Variants in ROS1 observed in about 807,000 individuals in gnomAD.
ROS1 encodes the protein proto-oncogene tyrosine-protein kinase ROS.
A neutral mutation model predicts 273.5 loss-of-function variants in ROS1; 263 were observed. That is an observed-to-expected ratio of 0.96 (90% CI 0.87 to 1.06). The LOEUF is 1.06. Ranked by LOEUF, ROS1 falls within the 50% of genes least tolerant of loss-of-function variation. ROS1 has a pLI of 0.00. For missense variants in ROS1, 2,833 were observed against 2,751.1 expected, an observed-to-expected ratio of 1.03 and a Z score of -0.67; for synonymous variants, 1,008 against 954.1, an observed-to-expected ratio of 1.06 and a Z score of -1.04.
chr6:117,369,636 A>C (rs1338179777), intron 18 of ROS1, among the ~76,000 whole-genome samples: 1 of 152,036 alleles, frequency 6.6e-6, no homozygotes, highest in African/African-American at 2.4e-5. Context: ...ATGGACTATG[A>C]TCCTTCAGGA....
At position 117,425,557 on chromosome 6, in the gene ROS1, G is replaced by A; in HGVS notation, c.100C>T (p.Leu34=). 6.2e-7 allele frequency: 1 copy of A among 1,601,180 alleles called. No individual in the cohort carries two copies. The highest frequency in any genetic ancestry group is 1.1e-5 in the South Asian group (1 of 87,354). The change falls in exon 1 of 44, where the codon CTA becomes TTA. Residue 34 remains leucine (L), a synonymous_variant. Transcript: ENST00000368507. ...VVQCTVLNSC[L]KSCVTNLGQQ... The stretch of plus-strand genomic sequence containing the variant: ...ACCAGATTAGTTACACACGACTTTA[G>A]GCAGCTATTTAAAACTGTACACTGC...
At position 117,394,757 on chromosome 6, in the gene ROS1, T is replaced by A; in HGVS notation, c.884-19A>T. ...TGTTGAACTGAAAAAAACAACACAATTTGCAGACAGGTAGACCAACCACAG... is the reference window on the plus strand; with the variant it reads ...TGTTGAACTGAAAAAAACAACACAAATTGCAGACAGGTAGACCAACCACAG... On this transcript the variant is annotated intron_variant, in intron 9 of 43. Transcript: ENST00000368507. 1 of 1,600,594 alleles carries A rather than the reference T, an allele frequency of 6.2e-7. No individual in the cohort carries two copies. Among genetic ancestry groups the A allele is most frequent in the Non-Finnish European group, 8.5e-7 (1 of 1,173,628 alleles).
At chr6:117,349,529 G>T (rs745516651) in intron 27 of ROS1, among the ~76,000 whole-genome samples, 1 of 151,928 alleles carries the variant, frequency 6.6e-6, no homozygotes. Context: ...AACAACTTCT[G>T]TCTTTTAGTT....
In ROS1 at chr6:117,403,276, G is replaced by T. The variant is rs1201922933; in HGVS notation, c.467C>A (p.Thr156Asn). The T allele has an allele frequency of 6.2e-7, 1 of 1,611,594 alleles. No individual in the cohort carries two copies. The part of the protein sequence containing the change: ...QLLGSWTYTK[T>N]VSRPSYVVKP... ...GACCACATAGGACGGTCTGGACACA[G>T]TCTAGATCAAGGAGTGATCAATCAT... The change falls in exon 7 of 44, where the codon ACT becomes AAT. Residue 156 changes from threonine (T) to asparagine (N), a missense_variant and splice_region_variant. Coordinates refer to ENST00000368507, the MANE Select transcript of ROS1 (RefSeq NM_001378902.1).
Position 117,341,439 on chromosome 6 carries a change from A to G in ROS1, c.4845T>C (p.Leu1615=). 1 of 1,613,902 alleles carries G rather than the reference A, an allele frequency of 6.2e-7. No homozygotes were observed. The highest frequency in any genetic ancestry group is 8.5e-7 in the Non-Finnish European group (1 of 1,179,796). ...TATTTCCACCAGACAGTCTAGTAACAAGGAGAGTGAGCCTTCCATTTGGAA... is the reference window on the plus strand; with the variant it reads ...TATTTCCACCAGACAGTCTAGTAACGAGGAGAGTGAGCCTTCCATTTGGAA... ...SEFPNGRLTL[L]VTRLSGGNIY... Residue 1615 remains leucine, a synonymous_variant, in exon 30 of 44, where the codon CTT becomes CTC. Transcript: ENST00000368507.
intron 32 of ROS1, 51 bp downstream of exon 32, chr6:117,337,120 GA>G (rs1482604561): frequency 1.4e-6 from 2 of 1,420,124 alleles, no homozygotes; most frequent in African/African-American, 2.9e-5. Flanking sequence ...TAAGTGATAA[GA>G]AAAAAACTGA....
In ROS1 at chr6:117,389,341, A is replaced by C; in HGVS notation, c.1786+9T>G. The C allele has an allele frequency of 6.2e-7, 1 of 1,607,870 alleles. No individual in the cohort carries two copies. On this transcript the variant is annotated intron_variant, in intron 13 of 43. Coordinates refer to ENST00000368507, the MANE Select transcript of ROS1 (RefSeq NM_001378902.1). The stretch of plus-strand genomic sequence containing the variant: ...AGGCCAGTAACCACACTGGGGACAG[A>C]GCACTCACTGGCTCCTATGGCAAGG...
chr6:117,324,483 A>G (rs1223149737), intron 34 of ROS1, 68 bp from the exon 35 acceptor site: 4 of 728,716 alleles, frequency 5.5e-6, no homozygotes, highest in Non-Finnish European at 9.4e-6. Context: ...GCTCTACCTA[A>G]GCACACAGAG....
In ROS1 at chr6:117,403,213, A is replaced by G; in HGVS notation, c.530T>C (p.Val177Ala). Reference sequence around the variant, plus strand: ...CAGCTGCGCTGTGAAGATCCAAACCACTCGGAAAATGTACTCAGTGAAGGG... The same window carrying G: ...CAGCTGCGCTGTGAAGATCCAAACCGCTCGGAAAATGTACTCAGTGAAGGG... ...LHPFTEYIFRVVWIFTAQLQL... is the reference protein window; with the variant it reads ...LHPFTEYIFRAVWIFTAQLQL... Residue 177 changes from valine (V) to alanine (A), a missense_variant, in exon 7 of 44, where the codon GTG (valine) becomes GCG (alanine). Val to Ala is a moderately conservative substitution (Grantham distance 64). Transcript: ENST00000368507. The G allele has an allele frequency of 6.2e-7, 1 of 1,611,964 alleles. No individual in the cohort carries two copies. The highest frequency in any genetic ancestry group is 8.5e-7 in the Non-Finnish European group (1 of 1,179,540).
At chr6:117,397,227 A>G in intron 7 of ROS1, 111 bp from the exon 8 acceptor site, 1 of 714,236 alleles carries the variant, frequency 1.4e-6, no homozygotes, top group East Asian at 2.6e-5. Flanking sequence ...ATGGAAACGA[A>G]ATAATTTTAT....
intron 5 of ROS1, among the ~76,000 whole-genome samples, chr6:117,405,671 A>AT (rs3842094): frequency 0.059 from 9,010 of 152,260 alleles, 320 homozygotes; most frequent in Middle Eastern, 0.092. Context: ...ACATATGAAA[A>AT]AAAAAAGGTA....
intron 21 of ROS1, among the ~76,000 whole-genome samples, chr6:117,363,537 T>G (rs1277506116): frequency 2.6e-5 from 4 of 152,168 alleles, no homozygotes; most frequent in African/African-American, 9.7e-5. Context: ...CACAAGGTCT[T>G]CATTCCCTCC....
At chr6:117,381,888 G>T (rs1417356747) in intron 17 of ROS1, among the ~76,000 whole-genome samples, 1 of 152,006 alleles carries the variant, frequency 6.6e-6, no homozygotes, top group South Asian at 2.1e-4. Context: ...TTGGAGGGGG[G>T]ATTTAAAGAG....
chr6:117,358,949 A>G (rs1779554941), intron 24 of ROS1, among the ~76,000 whole-genome samples: 1 of 152,162 alleles, frequency 6.6e-6, no homozygotes, highest in Non-Finnish European at 1.5e-5. Context: ...CAACTTGACC[A>G]TGTTAATGAC....
intron 27 of ROS1, among the ~76,000 whole-genome samples, chr6:117,347,816 C>T (rs559076654): frequency 6.6e-6 from 1 of 152,000 alleles, no homozygotes; most frequent in Admixed American, 6.6e-5. Context: ...CTGCATCTAT[C>T]AATGTGACCG....
intron 5 of ROS1, among the ~76,000 whole-genome samples, chr6:117,409,224 A>C (rs34280338): frequency 3.0e-5 from 4 of 134,496 alleles, no homozygotes; most frequent in African/African-American, 1.2e-4. Flanking sequence ...TAAAATAAAT[A>C]AATAAATAAA....
Position 117,341,542 on chromosome 6 carries a change from G to T in ROS1, c.4742C>A (p.Pro1581His). The change falls in exon 30 of 44, where the codon CCT becomes CAT. Residue 1581 changes from proline to histidine, a missense_variant. Pro to His is a moderately conservative substitution (Grantham distance 77). Coordinates refer to ENST00000368507, the MANE Select transcript of ROS1 (RefSeq NM_001378902.1). ...SWRESHKPNG[P>H]KESVRYQLAI... ...CAACTGATAACGGACTGATTCTTTAGGTCCATTTGGCTTGTGAGATTCTCT... is the reference window on the plus strand; with the variant it reads ...CAACTGATAACGGACTGATTCTTTATGTCCATTTGGCTTGTGAGATTCTCT... 1 of 1,613,678 alleles carries T rather than the reference G, an allele frequency of 6.2e-7. No individual in the cohort carries two copies. The highest frequency in any genetic ancestry group is 8.5e-7 in the Non-Finnish European group (1 of 1,179,706).
intron 33 of ROS1, among the ~76,000 whole-genome samples, chr6:117,328,027 G>T (rs1025094821): frequency 6.6e-6 from 1 of 152,172 alleles, no homozygotes; most frequent in Admixed American, 6.5e-5. Context: ...CTAACCTCTA[G>T]AGCTGTAAGA....
At chr6:117,419,107 A>AC (rs760498822) in intron 1 of ROS1, among the ~76,000 whole-genome samples, 4 of 152,208 alleles carry the variant, frequency 2.6e-5, no homozygotes, top group Non-Finnish European at 5.9e-5. Flanking sequence ...ATAATCAGAT[A>AC]AGTACCCACA....
Sources: allele counts gnomAD v4.1 joint callset (sites outside exome capture counted in the v4.1 genomes callset), GRCh38; gene constraint gnomAD v4.1.1; transcripts MANE v1.5; gene names NCBI Gene and HGNC (gene_info 2026-07-23, HGNC 2026-07-21).